GRB10: variants seen among roughly 807,000 people sequenced by gnomAD.
GRB10 encodes growth factor receptor-bound protein 10.
A neutral mutation model predicts 80.9 loss-of-function variants in GRB10; 20 were observed. The observed-to-expected ratio is 0.25, with a 90% CI of 0.17 to 0.36. The LOEUF is 0.36. Ranked by LOEUF, GRB10 falls within the 10% of genes least tolerant of loss-of-function variation. The probability of loss-of-function intolerance (pLI) is 1.00; values close to 1 mark genes in which losing one functional copy is unlikely to be tolerated. For synonymous variants in GRB10, 291 were observed against 291.5 expected (o/e 1.00, Z 0.02); for missense variants, 548 against 747.7 (o/e 0.73, Z 3.12).
At chr7:50,711,732 A>G (rs1345802684) in intron 4 of GRB10, among the ~76,000 whole-genome samples, 5 of 152,208 alleles carry the variant, frequency 3.3e-5, no homozygotes, top group African/African-American at 1.2e-4. Context: ...CAGTGTAGTT[A>G]CAGATTTCAC....
chr7:50,626,944 T>C lies in GRB10; in HGVS notation c.539A>G (p.Lys180Arg). 1 of 1,614,150 alleles carries C rather than the reference T, an allele frequency of 6.2e-7. No homozygotes were observed. The highest frequency in any genetic ancestry group is 2.2e-5 in the East Asian group (1 of 44,884). The change falls in exon 8 of 19, where the codon AAA (lysine) becomes AGA (arginine). Residue 180 changes from lysine (K) to arginine (R), a missense_variant. By Grantham distance (26) the Lys-to-Arg change is conservative. Around this residue, in one of 4 missense-constraint regions of GRB10, gnomAD observed 270 missense variants for 433.6 expected, o/e 0.62. Transcript: ENST00000401949. ...CATGTCTGCTAGAATCTCCACCACT[T>C]TGCTTGTCCCATCTTCACTAAAGAC... ...VKVFSEDGTS[K>R]VVEILADMTA... is the part of the protein sequence containing the mutation.
At chr7:50,756,709 G>A (rs1457958449) in intron 2 of GRB10, among the ~76,000 whole-genome samples, 1 of 152,182 alleles carries the variant, frequency 6.6e-6, no homozygotes, top group East Asian at 1.9e-4. Context: ...GAGACCAATT[G>A]AAACCCCTAC....
chr7:50,712,948 C>G (rs1212750987), intron 4 of GRB10, among the ~76,000 whole-genome samples: 1 of 152,204 alleles, frequency 6.6e-6, no homozygotes, highest in Non-Finnish European at 1.5e-5. Context: ...TTTCCATCAC[C>G]CTACAAAGAA....
intron 3 of GRB10, among the ~76,000 whole-genome samples, chr7:50,750,528 T>C (rs1349072387): frequency 6.6e-6 from 1 of 152,214 alleles, no homozygotes; most frequent in African/African-American, 2.4e-5. Context: ...ACAGCACACG[T>C]TGAGCCTGCC....
chr7:50,778,840 A>C (rs2077977668), intron 2 of GRB10, among the ~76,000 whole-genome samples: 1 of 152,210 alleles, frequency 6.6e-6, no homozygotes, highest in South Asian at 2.1e-4. Flanking sequence ...AGCAGATACA[A>C]TTCCTACATT....
chr7:50,613,923 C>T (rs1396286620), intron 12 of GRB10, among the ~76,000 whole-genome samples: 1 of 152,176 alleles, frequency 6.6e-6, no homozygotes, highest in African/African-American at 2.4e-5. Context: ...ACAGGGCAAA[C>T]TCCAAGCACA....
intron 7 of GRB10, among the ~76,000 whole-genome samples, chr7:50,652,681 G>A (rs555283368): frequency 2.6e-5 from 4 of 152,276 alleles, no homozygotes; most frequent in East Asian, 3.9e-4. Context: ...CAAGCCCTCC[G>A]ATCAAATACC....
intron 8 of GRB10, among the ~76,000 whole-genome samples, chr7:50,621,399 C>T (rs1057401588): frequency 6.6e-6 from 1 of 152,194 alleles, no homozygotes; most frequent in Non-Finnish European, 1.5e-5. Context: ...CTCCAGAGGG[C>T]GCCTACCATC....
chr7:50,745,893 A>C (rs185115531), intron 3 of GRB10, among the ~76,000 whole-genome samples: 55 of 152,368 alleles, frequency 3.6e-4, no homozygotes, highest in African/African-American at 1.3e-3. Context: ...ATGCTAAAGT[A>C]AACTCTCTGG....
intron 2 of GRB10, among the ~76,000 whole-genome samples, chr7:50,775,354 G>A (rs1588074074): frequency 6.6e-6 from 1 of 152,140 alleles, no homozygotes; most frequent in Non-Finnish European, 1.5e-5. Context: ...AGACACAATG[G>A]GGCAGGAGTT....
At chr7:50,658,352 C>G (rs374265322) in intron 7 of GRB10, among the ~76,000 whole-genome samples, 1 of 152,184 alleles carries the variant, frequency 6.6e-6, no homozygotes, top group African/African-American at 2.4e-5. Flanking sequence ...TCTAGTGGTT[C>G]CCCCTTACCT....
At chr7:50,721,125 T>A (rs1156457945) in intron 4 of GRB10, among the ~76,000 whole-genome samples, 3 of 152,282 alleles carry the variant, frequency 2.0e-5, no homozygotes, top group Non-Finnish European at 2.9e-5. Context: ...GAAACTATTT[T>A]AAACTTTCCT....
chr7:50,645,518 A>G (rs1354236612), intron 7 of GRB10: 3 of 787,284 alleles, frequency 3.8e-6, no homozygotes, highest in South Asian at 5.7e-5. Context: ...CCAAGCAAAC[A>G]AAAAGGATCT....
chr7:50,697,390 TC>T (rs1368613628), intron 5 of GRB10, among the ~76,000 whole-genome samples: 2 of 152,168 alleles, frequency 1.3e-5, no homozygotes, highest in African/African-American at 4.8e-5. Context: ...GAAAAGTACA[TC>T]CCTCTCTGCT....
intron 2 of GRB10, among the ~76,000 whole-genome samples, chr7:50,773,392 G>T (rs1156229773): frequency 1.0e-5 from 1 of 100,082 alleles, no homozygotes; most frequent in East Asian, 3.3e-4. Context: ...GAAGGGAAGG[G>T]GAAGGGAAGG....
chr7:50,752,514 A>G (rs924043728), intron 3 of GRB10, among the ~76,000 whole-genome samples: 1 of 152,246 alleles, frequency 6.6e-6, no homozygotes, highest in Non-Finnish European at 1.5e-5. Flanking sequence ...TAAATGGGAA[A>G]GAACCATGCA....
At chr7:50,623,112 C>A (rs1157576086) in intron 8 of GRB10, among the ~76,000 whole-genome samples, 1 of 152,178 alleles carries the variant, frequency 6.6e-6, no homozygotes, top group Non-Finnish European at 1.5e-5. Context: ...ATGGGGACAC[C>A]TTCCAAAAAA....
At chr7:50,759,887 G>A (rs1001028250) in intron 2 of GRB10, among the ~76,000 whole-genome samples, 3 of 152,112 alleles carry the variant, frequency 2.0e-5, no homozygotes, top group African/African-American at 4.8e-5. Context: ...GGGGCAGAGC[G>A]CGGACACCCC....
chr7:50,699,322 C>T (rs2063843010), intron 5 of GRB10, among the ~76,000 whole-genome samples: 1 of 152,198 alleles, frequency 6.6e-6, no homozygotes, highest in South Asian at 2.1e-4. Context: ...CTGTCTAATT[C>T]TAGATGTTCA....
Sources: gnomAD v4.1 joint callset for allele counts (sites outside exome capture counted in the v4.1 genomes callset) on GRCh38, gnomAD v4.1.1 for gene constraint, gnomAD v4.1.1 regional missense constraint, MANE v1.5 for transcripts, NCBI Gene and HGNC (gene_info 2026-07-23, HGNC 2026-07-21) for gene names.